RRS1: variants seen among roughly 807,000 people sequenced by gnomAD.
RRS1 encodes ribosome biogenesis regulatory protein homolog.
A neutral mutation model predicts 23.1 loss-of-function variants in RRS1; 10 were observed. The ratio of observed to expected loss-of-function variants is 0.43; its 90% CI spans 0.27 to 0.74. The LOEUF (loss-of-function observed/expected upper bound fraction) is 0.74. Among genes scored for constraint, RRS1 ranks in the 30% least tolerant of loss-of-function variants. The pLI, the probability that RRS1 is intolerant of heterozygous loss-of-function variation, is 0.19. For synonymous variants in RRS1, 198 were observed against 207.7 expected, an observed-to-expected ratio of 0.95 and a Z score of 0.40; for missense variants, 485 against 484.3, an observed-to-expected ratio of 1.00 and a Z score of -0.01.
chr8:66,429,743 G>A lies in RRS1; in HGVS notation c.612G>A (p.Ala204=). The A allele has an allele frequency of 6.2e-7, 1 of 1,612,732 alleles. No homozygotes were observed. Among genetic ancestry groups the A allele is most frequent in the Non-Finnish European group, 8.5e-7 (1 of 1,179,976 alleles). ...ARAHKMQLPS[A]AGLHPTGHQS... is the part of the protein sequence containing the mutation. ...CGCACAAGATGCAGCTGCCCAGCGCGGCCGGCTTGCACCCTACCGGACACC... is the reference window on the plus strand; with the variant it reads ...CGCACAAGATGCAGCTGCCCAGCGCAGCCGGCTTGCACCCTACCGGACACC... The change falls in exon 1 of 1, where the codon GCG becomes GCA. Residue 204 remains alanine, a synonymous_variant. Transcript: ENST00000320270. The surrounding 1 kb of genome is among the most constrained non-coding windows in gnomAD (Gnocchi z 5.1).
rs762931999 is a variant in RRS1, at chr8:66,430,189, G to GAA, written c.1061_1062dup (p.Gly355LysfsTer16). 1 of 1,614,080 alleles carries GAA rather than the reference G, an allele frequency of 6.2e-7. No individual in the cohort carries two copies. Among genetic ancestry groups the GAA allele is most frequent in the African/African-American group, 1.3e-5 (1 of 74,928 alleles). ...GGGCCGCCTGGCTTGGGTGGCAAGA[G>GAA]AAAAGGAGGACAGCGCCCAGGAGGA... On this transcript the variant is annotated frameshift_variant, in exon 1 of 1. Transcript: ENST00000320270. LOFTEE classifies it high-confidence loss of function.
rs200931864 is a variant in RRS1, at chr8:66,429,094, C to T, written c.-38C>T. The T allele has an allele frequency of 3.8e-6, 6 of 1,565,158 alleles. No homozygotes were observed. The Admixed American group carries it at 5.4e-5, about 14-fold the overall frequency. The stretch of plus-strand genomic sequence containing the variant: ...GCCGCCACTGTAGGAAAAGTAACTT[C>T]AGCTGCAGCCCCAAAGCGAGTGAGC... On this transcript the variant is annotated 5_prime_UTR_variant, in exon 1 of 1. Transcript: ENST00000320270. This position sits in a 1 kb window ranked among gnomAD's most constrained non-coding sequence, Gnocchi z 5.1.
Position 66,430,405 on chromosome 8 carries a change from G to A in RRS1, c.*176G>A. 1.5e-6 allele frequency: 1 copy of A among 646,578 alleles called. No homozygotes were observed. Among genetic ancestry groups the A allele is most frequent in the South Asian group, 2.4e-5 (1 of 40,868 alleles). 40.1% of individuals were successfully genotyped at this position (646,578 alleles called of 1,614,324 possible). A position where few individuals can be genotyped will look rare whatever the true frequency, so the allele number is the denominator to read the frequency against. On this transcript the variant is annotated 3_prime_UTR_variant, in exon 1 of 1. Transcript: ENST00000320270. ...TAAGTGTTGGACTGCACAAATTAAT[G>A]TTTTTCCCACAACCGAGACTTTGGA...
Position 66,429,828 on chromosome 8 carries a change from G to C in RRS1, c.697G>C (p.Gly233Arg). Residue 233 changes from glycine to arginine, a missense_variant, in exon 1 of 1, where the codon GGG (glycine) becomes CGG (arginine). Coordinates refer to ENST00000320270, the MANE Select transcript of RRS1 (RefSeq NM_015169.4). This position sits in a 1 kb window ranked among gnomAD's most constrained non-coding sequence, Gnocchi z 5.1. ...QVAKVSTASV[G>R]RFQERLPKEK... Reference sequence around the variant, plus strand: ...GGCCAAGGTCTCCACCGCCTCTGTGGGGCGCTTTCAGGAGCGCCTCCCCAA... The same window carrying C: ...GGCCAAGGTCTCCACCGCCTCTGTGCGGCGCTTTCAGGAGCGCCTCCCCAA... The C allele has an allele frequency of 6.2e-7, 1 of 1,613,354 alleles. No individual in the cohort carries two copies. The highest frequency in any genetic ancestry group is 8.5e-7 in the Non-Finnish European group (1 of 1,180,020).
In RRS1 at chr8:66,429,734, G is replaced by A; in HGVS notation, c.603G>A (p.Leu201=). The change falls in exon 1 of 1, where the codon CTG becomes CTA. Residue 201 remains leucine (L), a synonymous_variant. Transcript: ENST00000320270. The surrounding 1 kb of genome is among the most constrained non-coding windows in gnomAD (Gnocchi z 5.1). The part of the protein sequence containing the change: ...RNLARAHKMQ[L]PSAAGLHPTG... ...TGGCCCGCGCGCACAAGATGCAGCT[G>A]CCCAGCGCGGCCGGCTTGCACCCTA... 6.2e-7 allele frequency: 1 copy of A among 1,612,746 alleles called. No homozygotes were observed. The highest frequency in any genetic ancestry group is 1.1e-5 in the South Asian group (1 of 91,062).
rs1223567535 is a variant in RRS1 at position 66,429,347 on chromosome 8, C to T, written c.216C>T (p.Leu72=). ...QALARDNTQL[L]INQLWQLPTE... is the part of the protein sequence containing the mutation. ...TGGCGCGGGACAACACGCAACTGCT[C>T]ATCAACCAGCTGTGGCAGCTGCCCA... Residue 72 remains leucine (L), a synonymous_variant, in exon 1 of 1, where the codon CTC becomes CTT. Coordinates refer to ENST00000320270, the MANE Select transcript of RRS1 (RefSeq NM_015169.4). The surrounding 1 kb of genome is among the most constrained non-coding windows in gnomAD (Gnocchi z 5.1). 2 of 1,551,716 alleles carry T rather than the reference C, an allele frequency of 1.3e-6. No individual in the cohort carries two copies. Among genetic ancestry groups the T allele is most frequent in the South Asian group, 1.2e-5 (1 of 84,418 alleles).
chr8:66,429,746 C>T lies in RRS1; in HGVS notation c.615C>T (p.Ala205=), dbSNP rs1805183549. 3 of 1,612,614 alleles carry T rather than the reference C, an allele frequency of 1.9e-6. No individual in the cohort carries two copies. The highest frequency in any genetic ancestry group is 2.7e-5 in the African/African-American group (2 of 75,052). ...ACAAGATGCAGCTGCCCAGCGCGGCCGGCTTGCACCCTACCGGACACCAGA... is the reference window on the plus strand; with the variant it reads ...ACAAGATGCAGCTGCCCAGCGCGGCTGGCTTGCACCCTACCGGACACCAGA... ...RAHKMQLPSA[A]GLHPTGHQSK... The change falls in exon 1 of 1, where the codon GCC becomes GCT. Residue 205 remains alanine (A), a synonymous_variant. Transcript: ENST00000320270. The surrounding 1 kb of genome is among the most constrained non-coding windows in gnomAD (Gnocchi z 5.1).
Position 66,429,145 on chromosome 8 carries a change from G to T in RRS1, c.14G>T (p.Ser5Ile), listed in dbSNP as rs1805163205. ...CGAGCCGGAGCCATGGAGGGCCAGA[G>T]CGTGGAGGAGCTGCTCGCAAAGGCA... MEGQSVEELLAKAEQ... is the reference protein window; with the variant it reads MEGQIVEELLAKAEQ... Residue 5 changes from serine (S) to isoleucine (I), a missense_variant, in exon 1 of 1, where the codon AGC becomes ATC. Ser to Ile is a moderately radical substitution (Grantham distance 142). Transcript: ENST00000320270. The surrounding 1 kb of genome is among the most constrained non-coding windows in gnomAD (Gnocchi z 5.1). The T allele has an allele frequency of 1.9e-6, 3 of 1,609,118 alleles. No individual in the cohort carries two copies. The highest frequency in any genetic ancestry group is 3.3e-5 in the Admixed American group (2 of 59,882).
Position 66,430,392 on chromosome 8 carries a change from T to A in RRS1, c.*163T>A. On this transcript the variant is annotated 3_prime_UTR_variant, in exon 1 of 1. Transcript: ENST00000320270. ...TCAAGAAAGTATGTAAGTGTTGGAC[T>A]GCACAAATTAATGTTTTTCCCACAA... 1 of 698,960 alleles carries A rather than the reference T, an allele frequency of 1.4e-6. No individual in the cohort carries two copies. The highest frequency in any genetic ancestry group is 2.4e-6 in the Non-Finnish European group (1 of 418,280). The allele number at this position is 698,960 out of a possible 1,614,324, so 43.3% of individuals were successfully genotyped here.
In RRS1 at chr8:66,430,103, A is replaced by AG; in HGVS notation, c.977dup (p.Pro328AlafsTer49). 1 of 1,613,336 alleles carries AG rather than the reference A, an allele frequency of 6.2e-7. No individual in the cohort carries two copies. The highest frequency in any genetic ancestry group is 8.5e-7 in the Non-Finnish European group (1 of 1,179,836). ...GGCAGGGGCCTGGGGGCAAGAGGAA[A>AG]GGGGGCCCGCCCAGCCAGGGAGGGA... On this transcript the variant is annotated frameshift_variant, in exon 1 of 1. Transcript: ENST00000320270. LOFTEE classifies it high-confidence loss of function.
chr8:66,430,349 G>C lies in RRS1; in HGVS notation c.*120G>C. 9.2e-7 allele frequency: 1 copy of C among 1,082,178 alleles called. No individual in the cohort carries two copies. The allele number at this position is 1,082,178 out of a possible 1,614,324, so 67.0% of individuals were successfully genotyped here. ...CCGCTGCCTTCATTGAGTTTAAAGG[G>C]ACAGGATTGCCCTTCCGTCAAGAAA... is the stretch of plus-strand genomic sequence containing the variant. On this transcript the variant is annotated 3_prime_UTR_variant, in exon 1 of 1. Coordinates refer to ENST00000320270, the MANE Select transcript of RRS1 (RefSeq NM_015169.4).
rs137894990 is a variant in RRS1, at chr8:66,429,796, T to G, written c.665T>G (p.Met222Arg). 3.7e-6 allele frequency: 6 copies of G among 1,612,908 alleles called. No individual in the cohort carries two copies. Among genetic ancestry groups the G allele is most frequent in the Non-Finnish European group, 5.1e-6 (6 of 1,180,000 alleles). ...HQSKEELGRA[M>R]QVAKVSTASV... ...AGTAAGGAGGAGCTGGGCCGCGCCA[T>G]GCAAGTGGCCAAGGTCTCCACCGCC... The change falls in exon 1 of 1, where the codon ATG becomes AGG. Residue 222 changes from methionine to arginine, a missense_variant. Physicochemically the swap from Met to Arg is moderately conservative, Grantham distance 91. Coordinates refer to ENST00000320270, the MANE Select transcript of RRS1 (RefSeq NM_015169.4). This position sits in a 1 kb window ranked among gnomAD's most constrained non-coding sequence, Gnocchi z 5.1.
In RRS1 at chr8:66,429,040, C is replaced by T; in HGVS notation, c.-92C>T. 2 of 1,501,058 alleles carry T rather than the reference C, an allele frequency of 1.3e-6. No individual in the cohort carries two copies. The highest frequency in any genetic ancestry group is 2.7e-5 in the South Asian group (2 of 74,548). 93.0% of individuals were successfully genotyped at this position (1,501,058 alleles called of 1,614,324 possible). On this transcript the variant is annotated 5_prime_UTR_variant, in exon 1 of 1. Coordinates refer to ENST00000320270, the MANE Select transcript of RRS1 (RefSeq NM_015169.4). The surrounding 1 kb of genome is among the most constrained non-coding windows in gnomAD (Gnocchi z 5.1). ...TTTTCCGGATTGGGCATCCCGGCAT[C>T]TGCACGTGGTTATGCTGCCGGAGTT...
chr8:66,430,244 C>T lies in RRS1; in HGVS notation c.*15C>T, dbSNP rs1586419246. Reference sequence around the variant, plus strand: ...GGAGGAAGTAATAGTTTCTAACTGTCGGACCCGTCTGTAAACCAAGGACTA... The same window carrying T: ...GGAGGAAGTAATAGTTTCTAACTGTTGGACCCGTCTGTAAACCAAGGACTA... On this transcript the variant is annotated 3_prime_UTR_variant, in exon 1 of 1. Transcript: ENST00000320270. 6.2e-7 allele frequency: 1 copy of T among 1,613,308 alleles called. No homozygotes were observed. Among genetic ancestry groups the T allele is most frequent in the South Asian group, 1.1e-5 (1 of 90,980 alleles).
In RRS1 at chr8:66,430,377, A is replaced by G. The variant is rs902283566; in HGVS notation, c.*148A>G. On this transcript the variant is annotated 3_prime_UTR_variant, in exon 1 of 1. Transcript: ENST00000320270. ...AGGATTGCCCTTCCGTCAAGAAAGT[A>G]TGTAAGTGTTGGACTGCACAAATTA... is the stretch of plus-strand genomic sequence containing the variant. 25 of 842,328 alleles carry G rather than the reference A, an allele frequency of 3.0e-5. No individual in the cohort carries two copies. Among genetic ancestry groups the G allele is most frequent in the Middle Eastern group, 3.6e-4 (1 of 2,776 alleles). 52.2% of individuals were successfully genotyped at this position (842,328 alleles called of 1,614,324 possible).
rs1362810183 is a variant in RRS1, at chr8:66,429,936, T to C, written c.805T>C (p.Leu269=). The C allele has an allele frequency of 5.6e-6, 9 of 1,613,794 alleles. No individual in the cohort carries two copies. The African/African-American group carries it at 9.4e-5, about 17-fold the overall frequency. ...GDFAAEKKNQ[L]ELLRVMNSKK... ...CTTTGCAGCCGAGAAAAAGAACCAG[T>C]TGGAGCTGCTTCGTGTCATGAACAG... Residue 269 remains leucine (L), a synonymous_variant, in exon 1 of 1, where the codon TTG becomes CTG. Coordinates refer to ENST00000320270, the MANE Select transcript of RRS1 (RefSeq NM_015169.4). The surrounding 1 kb of genome is among the most constrained non-coding windows in gnomAD (Gnocchi z 5.1).
In RRS1 at chr8:66,430,359, C is replaced by A; in HGVS notation, c.*130C>A. 1.0e-6 allele frequency: 1 copy of A among 987,916 alleles called. No homozygotes were observed. The highest frequency in any genetic ancestry group is 1.5e-6 in the Non-Finnish European group (1 of 656,332). 61.2% of individuals were successfully genotyped at this position (987,916 alleles called of 1,614,324 possible). On this transcript the variant is annotated 3_prime_UTR_variant, in exon 1 of 1. Transcript: ENST00000320270. Reference sequence around the variant, plus strand: ...CATTGAGTTTAAAGGGACAGGATTGCCCTTCCGTCAAGAAAGTATGTAAGT... The same window carrying A: ...CATTGAGTTTAAAGGGACAGGATTGACCTTCCGTCAAGAAAGTATGTAAGT...
In RRS1 at chr8:66,429,298, C is replaced by T; in HGVS notation, c.167C>T (p.Thr56Met). Residue 56 changes from threonine to methionine, a missense_variant, in exon 1 of 1, where the codon ACG becomes ATG. Coordinates refer to ENST00000320270, the MANE Select transcript of RRS1 (RefSeq NM_015169.4). The surrounding 1 kb of genome is among the most constrained non-coding windows in gnomAD (Gnocchi z 5.1). Reference sequence around the variant, plus strand: ...ACCGGGCTGCGGTGCGCCGGACCCACGCCGGAGGCCGAGCTACAGGCCCTG... The same window carrying T: ...ACCGGGCTGCGGTGCGCCGGACCCATGCCGGAGGCCGAGCTACAGGCCCTG... ...PPTGLRCAGP[T>M]PEAELQALAR... 1.3e-6 allele frequency: 2 copies of T among 1,561,696 alleles called. No individual in the cohort carries two copies. The highest frequency in any genetic ancestry group is 1.7e-6 in the Non-Finnish European group (2 of 1,153,082).
chr8:66,429,667 A>G lies in RRS1; in HGVS notation c.536A>G (p.Lys179Arg). 1 of 1,613,098 alleles carries G rather than the reference A, an allele frequency of 6.2e-7. No homozygotes were observed. Among genetic ancestry groups the G allele is most frequent in the African/African-American group, 1.3e-5 (1 of 75,054 alleles). Residue 179 changes from lysine (K) to arginine (R), a missense_variant, in exon 1 of 1, where the codon AAG (lysine) becomes AGG (arginine). Transcript: ENST00000320270. The surrounding 1 kb of genome is among the most constrained non-coding windows in gnomAD (Gnocchi z 5.1). Reference protein sequence around the residue: ...DQFAKRIQAKKERVAKNELNR... With the variant: ...DQFAKRIQAKRERVAKNELNR... ...TTCGCCAAGCGGATTCAGGCCAAGA[A>G]GGAAAGGGTGGCCAAGAACGAGCTG...
Sources: allele counts gnomAD v4.1 joint callset, GRCh38; gene constraint gnomAD v4.1.1; non-coding constraint Gnocchi (gnomAD v3.1); transcripts MANE v1.5; gene names NCBI Gene and HGNC (gene_info 2026-07-23, HGNC 2026-07-21).